ARHGEF12: variants seen among roughly 807,000 people sequenced by gnomAD.
The protein encoded by ARHGEF12 is Rho guanine nucleotide exchange factor 12.
In ARHGEF12, 66 loss-of-function variants were observed where a neutral mutation model predicts 211.2. The ratio of observed to expected loss-of-function variants is 0.31; its 90% CI spans 0.26 to 0.38. The LOEUF (loss-of-function observed/expected upper bound fraction) is 0.38. ARHGEF12 is among the 10% of genes least tolerant of loss of function. The pLI, the probability that ARHGEF12 is intolerant of heterozygous loss-of-function variation, is 1.00. For synonymous variants in ARHGEF12, 592 were observed against 638.4 expected (o/e 0.93, Z 1.09); for missense variants, 1,429 against 1,869.5 (o/e 0.76, Z 4.34).
chr11:120,362,025 T>A (rs542197857), intron 1 of ARHGEF12, among the ~76,000 whole-genome samples: 6 of 152,218 alleles, frequency 3.9e-5, no homozygotes, highest in Non-Finnish European at 8.8e-5. Context: ...TGAACTGTAA[T>A]GACTAACAAA....
intron 30 of ARHGEF12, 72 bp from the exon 31 acceptor site, chr11:120,472,978 G>T (rs1946913895): frequency 6.9e-7 from 1 of 1,449,488 alleles, no homozygotes; most frequent in Admixed American, 1.7e-5. Context: ...TAAATGCCAA[G>T]TTTGATTCAG....
At chr11:120,354,389 A>G (rs761324002) in intron 1 of ARHGEF12, among the ~76,000 whole-genome samples, 19 of 152,138 alleles carry the variant, frequency 1.2e-4, no homozygotes, top group Non-Finnish European at 2.6e-4. Context: ...ATCTTCTCAC[A>G]TTCCAGCTTG....
intron 26 of ARHGEF12, 95 bp downstream of exon 26, chr11:120,459,415 C>G: frequency 7.7e-7 from 1 of 1,298,196 alleles, no homozygotes; most frequent in East Asian, 2.4e-5. Context: ...TGTTAGTATT[C>G]CTGAGATTAT....
intron 15 of ARHGEF12, 112 bp downstream of exon 15, chr11:120,442,314 T>C: frequency 1.5e-6 from 1 of 679,418 alleles, no homozygotes; most frequent in South Asian, 2.5e-5. Flanking sequence ...TTCTCACACC[T>C]GTATTATATT....
At chr11:120,345,685 G>A (rs192321132) in intron 1 of ARHGEF12, among the ~76,000 whole-genome samples, 1,477 of 122,210 alleles carry the variant, frequency 0.012, 26 homozygotes, top group African/African-American at 0.043. Flanking sequence ...CCTGGGCACA[G>A]AGCGAGACTC....
Position 120,428,184 on chromosome 11 carries a change from A to G in ARHGEF12, c.522A>G (p.Thr174=). The G allele has an allele frequency of 6.2e-7, 1 of 1,611,930 alleles. No individual in the cohort carries two copies. Among genetic ancestry groups the G allele is most frequent in the Non-Finnish European group, 8.5e-7 (1 of 1,179,140 alleles). Residue 174 remains threonine (T), a synonymous_variant, in exon 8 of 41, where the codon ACA becomes ACG. Transcript: ENST00000397843. ...TTGGACATATGTCTCCCATCATGAC[A>G]TCTCCTCATTCACCTGGAGCATCTG... ...SVIGHMSPIM[T]SPHSPGASGN...
In ARHGEF12 at chr11:120,336,935, C is replaced by A. The variant is rs572897060; in HGVS notation, c.-309C>A. The A allele has an allele frequency of 1.2e-4, 53 of 442,344 alleles. No homozygotes were observed. Among genetic ancestry groups the A allele is most frequent in the African/African-American group, 1.1e-3 (52 of 49,440 alleles). 27.4% of individuals were successfully genotyped at this position (442,344 alleles called of 1,614,324 possible). ...GGAGTCCCGGGTCCCCTTCCCACTGCGCGCGGATTTCCCTCTCTGAGGAAG... is the reference window on the plus strand; with the variant it reads ...GGAGTCCCGGGTCCCCTTCCCACTGAGCGCGGATTTCCCTCTCTGAGGAAG... On this transcript the variant is annotated 5_prime_UTR_variant, in exon 1 of 41. Coordinates refer to ENST00000397843, the MANE Select transcript of ARHGEF12 (RefSeq NM_015313.3).
chr11:120,365,087 T>A (rs1943387304), intron 1 of ARHGEF12, among the ~76,000 whole-genome samples: 1 of 152,136 alleles, frequency 6.6e-6, no homozygotes, highest in Admixed American at 6.6e-5. Flanking sequence ...GAACCTGGCA[T>A]GTACTACTTT....
rs1405832034 is a variant in ARHGEF12, at chr11:120,488,616, C to T, written c.*3539C>T. The T allele has an allele frequency of 4.5e-6, 1 of 220,402 alleles. No individual in the cohort carries two copies. The highest frequency in any genetic ancestry group is 9.1e-6 in the Non-Finnish European group (1 of 109,750). 13.7% of individuals were successfully genotyped at this position (220,402 alleles called of 1,614,324 possible). The stretch of plus-strand genomic sequence containing the variant: ...AAAGTACCTCCTAGAAGGAAGCCTT[C>T]CCCACCATTTCCAGGTGCCAACTGC... On this transcript the variant is annotated 3_prime_UTR_variant, in exon 41 of 41. Coordinates refer to ENST00000397843, the MANE Select transcript of ARHGEF12 (RefSeq NM_015313.3).
At chr11:120,433,765 C>T (rs1945614852) in intron 11 of ARHGEF12, among the ~76,000 whole-genome samples, 1 of 152,070 alleles carries the variant, frequency 6.6e-6, no homozygotes, top group South Asian at 2.1e-4. Flanking sequence ...ACCAGCCTGG[C>T]CAACATAGTG....
At chr11:120,338,588 T>C (rs1942430006) in intron 1 of ARHGEF12, among the ~76,000 whole-genome samples, 1 of 152,254 alleles carries the variant, frequency 6.6e-6, no homozygotes. Flanking sequence ...AAGATAAGTA[T>C]TGACAATGCT....
At chr11:120,439,087 A>G (rs1262389310) in intron 12 of ARHGEF12, 3 of 152,136 alleles carry the variant, frequency 2.0e-5, no homozygotes, top group Non-Finnish European at 4.4e-5. Flanking sequence ...TCCTGGCCTC[A>G]AGTGATCCTC....
chr11:120,394,056 TAGTC>T (rs1255154957), intron 1 of ARHGEF12, among the ~76,000 whole-genome samples: 2 of 152,080 alleles, frequency 1.3e-5, no homozygotes, highest in Non-Finnish European at 2.9e-5. Context: ...ACACAATTCT[TAGTC>T]AAAGTGGAAA....
intron 38 of ARHGEF12, 52 bp from the exon 39 acceptor site, chr11:120,481,208 G>C: frequency 6.5e-7 from 1 of 1,538,976 alleles, no homozygotes; most frequent in Non-Finnish European, 9.0e-7. Flanking sequence ...TGCTATTTCT[G>C]TTTTCTAATG....
chr11:120,379,683 A>G (rs770681703), intron 1 of ARHGEF12, among the ~76,000 whole-genome samples: 1 of 151,880 alleles, frequency 6.6e-6, no homozygotes, highest in Non-Finnish European at 1.5e-5. Flanking sequence ...TTGACTTGCC[A>G]GGAGGTATTT....
intron 1 of ARHGEF12, among the ~76,000 whole-genome samples, chr11:120,375,458 T>C (rs1193500184): frequency 6.6e-6 from 1 of 152,062 alleles, no homozygotes; most frequent in African/African-American, 2.4e-5. Context: ...AATGATATTC[T>C]TAAAAAAAGC....
At chr11:120,481,193 C>T in intron 38 of ARHGEF12, 67 bp from the exon 39 acceptor site, 2 of 1,439,308 alleles carry the variant, frequency 1.4e-6, no homozygotes, top group South Asian at 1.2e-5. Flanking sequence ...GTTGTCAGCA[C>T]ACTATGCTAT....
chr11:120,355,692 GTGAGA>G lies in ARHGEF12; in HGVS notation c.32+18418_32+18422del, dbSNP rs1638917521. Among the ~76,000 whole-genome samples the G allele has an allele frequency of 2.0e-5, 3 of 152,308 alleles. No homozygotes were observed. The South Asian group carries it at 6.2e-4, about 32-fold the overall frequency. On this transcript the variant is annotated intron_variant, in intron 1 of 40. Coordinates refer to ENST00000397843, the MANE Select transcript of ARHGEF12 (RefSeq NM_015313.3). ...AGTCTACTTCAGCATGGGCTACAGA[GTGAGA>G]CTCTGTCTCTTTAAAAATAAAAAAT...
At chr11:120,477,350 G>A in intron 35 of ARHGEF12, 45 bp downstream of exon 35, 1 of 1,608,310 alleles carries the variant, frequency 6.2e-7, no homozygotes, top group Non-Finnish European at 8.5e-7. Flanking sequence ...TTATGTTTTG[G>A]GTTGGAAAAG....
Sources: gnomAD v4.1 joint callset for allele counts (sites outside exome capture counted in the v4.1 genomes callset) on GRCh38, gnomAD v4.1.1 for gene constraint, MANE v1.5 for transcripts, NCBI Gene and HGNC (gene_info 2026-07-23, HGNC 2026-07-21) for gene names.